The following NRP1 variants were observed in gnomAD, a reference collection of about 807,000 sequenced individuals.
NRP1 encodes neuropilin-1.
NRP1 carries 35 observed loss-of-function variants against 106.7 expected under a neutral mutation model. That is an observed-to-expected ratio of 0.33 (90% CI 0.25 to 0.43). The LOEUF (loss-of-function observed/expected upper bound fraction) is 0.43, where lower values mean the gene tolerates loss of function less well. NRP1 is among the 20% of genes least tolerant of loss of function. The pLI, the probability that NRP1 is intolerant of heterozygous loss-of-function variation, is 1.00. For synonymous variants in NRP1, 437 were observed against 417.9 expected, an observed-to-expected ratio of 1.05 and a Z score of -0.56; for missense variants, 1,024 against 1,170.4, an observed-to-expected ratio of 0.87 and a Z score of 1.83.
intron 2 of NRP1, among the ~76,000 whole-genome samples, chr10:33,325,511 G>A (rs1048615756): frequency 6.6e-5 from 10 of 152,186 alleles, no homozygotes; most frequent in African/African-American, 2.4e-4. Flanking sequence ...ATGCCAATAA[G>A]TGTAAATGTG....
intron 2 of NRP1, among the ~76,000 whole-genome samples, chr10:33,320,185 T>C (rs1847392057): frequency 6.6e-6 from 1 of 151,700 alleles, no homozygotes; most frequent in African/African-American, 2.4e-5. Context: ...TGGTGGCGTG[T>C]GCCTGTAGTC....
At chr10:33,277,329 C>T in intron 2 of NRP1, among the ~76,000 whole-genome samples, 1 of 152,266 alleles carries the variant, frequency 6.6e-6, no homozygotes, top group East Asian at 1.9e-4. Context: ...GCTCGGGGAC[C>T]TCATGACTAC....
At chr10:33,207,839 T>C in intron 9 of NRP1, 123 bp from the exon 10 acceptor site, 1 of 903,528 alleles carries the variant, frequency 1.1e-6, no homozygotes, top group Non-Finnish European at 1.7e-6. Flanking sequence ...ATTCTACCAC[T>C]TTGTGGTACA....
At chr10:33,237,673 A>G (rs1161405085) in intron 6 of NRP1, among the ~76,000 whole-genome samples, 1 of 138,224 alleles carries the variant, frequency 7.2e-6, no homozygotes, top group African/African-American at 2.7e-5. Flanking sequence ...CCACCTCTTG[A>G]GTTCAAGTGA....
chr10:33,228,525 A>C lies in NRP1; in HGVS notation c.982-2236T>G, dbSNP rs564259361. On this transcript the variant is annotated intron_variant, in intron 6 of 16. Coordinates refer to ENST00000374867, the MANE Select transcript of NRP1 (RefSeq NM_003873.7). Reference sequence around the variant, plus strand: ...AATTCTCCAGTGCCCATGGGCCACGAACACTTAAAGAATTTCCATTCTATG... The same window carrying C: ...AATTCTCCAGTGCCCATGGGCCACGCACACTTAAAGAATTTCCATTCTATG... Among the ~76,000 whole-genome samples, 26 of 152,366 alleles carry C rather than the reference A, an allele frequency of 1.7e-4. No homozygotes were observed. The South Asian group carries it at 4.8e-3, about 28-fold the overall frequency.
intron 2 of NRP1, among the ~76,000 whole-genome samples, chr10:33,308,509 T>C (rs1264234007): frequency 6.6e-6 from 1 of 151,950 alleles, no homozygotes; most frequent in Non-Finnish European, 1.5e-5. Context: ...TTTTTTGAGA[T>C]GGAGTCTCAC....
chr10:33,193,182 G>T, intron 12 of NRP1, among the ~76,000 whole-genome samples: 1 of 151,936 alleles, frequency 6.6e-6, no homozygotes, highest in East Asian at 1.9e-4. Flanking sequence ...AATCTGAAAA[G>T]ACAGCGTGAA....
chr10:33,204,143 T>A lies in NRP1; in HGVS notation c.1760-1148A>T, dbSNP rs556833827. On this transcript the variant is annotated intron_variant, in intron 10 of 16. Transcript: ENST00000374867. ...GACTTGAGATAATGGATAGTTCTCG[T>A]GATGGCTGAGAACCATACAAGATGT... 2.6e-5 allele frequency among the ~76,000 whole-genome samples: 4 copies of A among 152,272 alleles called. No homozygotes were observed. In the East Asian group the frequency reaches 5.8e-4, roughly 22 times the overall value.
chr10:33,198,948 T>C (rs900311997), intron 11 of NRP1, among the ~76,000 whole-genome samples: 3 of 152,190 alleles, frequency 2.0e-5, no homozygotes, highest in Non-Finnish European at 2.9e-5. Flanking sequence ...TTCCAATTAG[T>C]GCAGGCCTAC....
intron 2 of NRP1, among the ~76,000 whole-genome samples, chr10:33,318,707 T>C (rs1049592737): frequency 3.3e-5 from 5 of 151,106 alleles, no homozygotes; most frequent in Non-Finnish European, 7.4e-5. Context: ...CCAATCGTCA[T>C]TGAAAAATAA....
chr10:33,276,623 G>T (rs1165010888), intron 2 of NRP1, among the ~76,000 whole-genome samples: 3 of 152,108 alleles, frequency 2.0e-5, no homozygotes, highest in Admixed American at 2.0e-4. Flanking sequence ...CCTACTTCGG[G>T]GCAAGCTTGA....
rs59372409 is a variant in NRP1 at position 33,188,843 on chromosome 10, G to A, written c.2063-2355C>T. 7.4e-3 allele frequency among the ~76,000 whole-genome samples: 1,098 copies of A among 149,146 alleles called. 11 individuals carry two copies. Among genetic ancestry groups the A allele is most frequent in the African/African-American group, 0.025 (1,016 of 40,078 alleles). On this transcript the variant is annotated intron_variant, in intron 13 of 16. Coordinates refer to ENST00000374867, the MANE Select transcript of NRP1 (RefSeq NM_003873.7). ...CAGGAGAATCGCTTGAACCTGGGAGGTGGAGGATGCAGTGAGCCAAGATCA... is the reference window on the plus strand; with the variant it reads ...CAGGAGAATCGCTTGAACCTGGGAGATGGAGGATGCAGTGAGCCAAGATCA...
intron 2 of NRP1, among the ~76,000 whole-genome samples, chr10:33,322,320 G>A (rs1847568172): frequency 6.6e-6 from 1 of 152,090 alleles, no homozygotes; most frequent in South Asian, 2.1e-4. Flanking sequence ...CTAGAATTTA[G>A]ATATTTACTC....
At chr10:33,263,528 T>C (rs929439204) in intron 4 of NRP1, 118 bp downstream of exon 4, 10 of 692,282 alleles carry the variant, frequency 1.4e-5, no homozygotes. Context: ...TTTGCTTTGT[T>C]TTCCAGTGTC....
chr10:33,196,204 A>T (rs77410127), intron 12 of NRP1, among the ~76,000 whole-genome samples: 3,327 of 152,162 alleles, frequency 0.022, 37 homozygotes, highest in Non-Finnish European at 0.036. Flanking sequence ...TTTCATAGTC[A>T]AGGAGAAGAG....
At chr10:33,333,195 A>G (rs546469791) in intron 1 of NRP1, among the ~76,000 whole-genome samples, 3 of 151,550 alleles carry the variant, frequency 2.0e-5, no homozygotes, top group African/African-American at 7.3e-5. Flanking sequence ...AATGCCATCA[A>G]CTTGGGCTCA....
intron 15 of NRP1, among the ~76,000 whole-genome samples, chr10:33,183,117 G>A (rs551306657): frequency 2.0e-5 from 3 of 152,070 alleles, no homozygotes; most frequent in Non-Finnish European, 4.4e-5. Flanking sequence ...AACCACATTA[G>A]GCTAGGAGTT....
intron 2 of NRP1, among the ~76,000 whole-genome samples, chr10:33,275,351 G>C (rs1478079991): frequency 6.6e-6 from 1 of 152,046 alleles, no homozygotes; most frequent in Non-Finnish European, 1.5e-5. Flanking sequence ...GGTGGATCAC[G>C]AGGTCAGGAG....
intron 2 of NRP1, among the ~76,000 whole-genome samples, chr10:33,315,307 T>C (rs867959897): frequency 6.6e-6 from 1 of 152,060 alleles, no homozygotes; most frequent in Non-Finnish European, 1.5e-5. Context: ...CCCAGGAAAA[T>C]GAAGGGTTTA....
Sources: gnomAD v4.1 joint callset for allele counts (sites outside exome capture counted in the v4.1 genomes callset) on GRCh38, gnomAD v4.1.1 for gene constraint, MANE v1.5 for transcripts, NCBI Gene and HGNC (gene_info 2026-07-23, HGNC 2026-07-21) for gene names.